MYO16: variants seen among roughly 807,000 people sequenced by gnomAD.
The protein encoded by MYO16 is myosin XVI, also known as unconventional myosin-XVI.
Under a neutral mutation model 205.3 loss-of-function variants are expected in MYO16, and 94 were observed. The ratio of observed to expected loss-of-function variants is 0.46; its 90% CI spans 0.39 to 0.54. The LOEUF (loss-of-function observed/expected upper bound fraction) is 0.54. Among genes scored for constraint, MYO16 ranks in the 20% least tolerant of loss-of-function variants. The probability of loss-of-function intolerance (pLI) is 0.00; values close to 1 mark genes in which losing one functional copy is unlikely to be tolerated. For missense variants in MYO16, 2,315 were observed against 2,387.5 expected, an observed-to-expected ratio of 0.97 and a Z score of 0.63; for synonymous variants, 988 against 954.0, an observed-to-expected ratio of 1.04 and a Z score of -0.66.
intron 4 of MYO16, among the ~76,000 whole-genome samples, chr13:108,769,517 GA>G (rs1885892246): frequency 6.6e-6 from 1 of 152,198 alleles, no homozygotes; most frequent in Admixed American, 6.5e-5. Context: ...GGGAGGCAAT[GA>G]AAAGTGTCTT....
chr13:108,610,677 G>T (rs1016339880), intron 1 of MYO16, among the ~76,000 whole-genome samples: 2 of 152,174 alleles, frequency 1.3e-5, no homozygotes, highest in African/African-American at 4.8e-5. Context: ...TCTTATATTT[G>T]CTTTATTCTT....
chr13:108,985,829 A>G (rs1270132346), intron 20 of MYO16, among the ~76,000 whole-genome samples: 3 of 152,222 alleles, frequency 2.0e-5, no homozygotes, highest in Non-Finnish European at 4.4e-5. Flanking sequence ...ATCACAGTGC[A>G]TAGTTGTGAT....
chr13:108,799,504 CT>C (rs1456488806), intron 6 of MYO16, among the ~76,000 whole-genome samples: 1 of 152,156 alleles, frequency 6.6e-6, no homozygotes, highest in Non-Finnish European at 1.5e-5. Context: ...GAGGTATTTG[CT>C]GCAACCGAAC....
chr13:109,116,981 C>A (rs1875722248), intron 28 of MYO16, among the ~76,000 whole-genome samples: 1 of 152,154 alleles, frequency 6.6e-6, no homozygotes, highest in Non-Finnish European at 1.5e-5. Context: ...TTATAAGTTA[C>A]AATGGGCTTC....
intron 31 of MYO16, among the ~76,000 whole-genome samples, chr13:109,128,515 G>A (rs1050172745): frequency 6.6e-6 from 1 of 151,528 alleles, no homozygotes; most frequent in Non-Finnish European, 1.5e-5. Flanking sequence ...TCAAACGTTG[G>A]GATGACTGAC....
intron 11 of MYO16, among the ~76,000 whole-genome samples, chr13:108,857,433 A>C (rs1044613552): frequency 2.0e-5 from 3 of 152,176 alleles, no homozygotes; most frequent in African/African-American, 7.2e-5. Context: ...GGCTGGCCAG[A>C]GGGTGTTTAT....
At position 108,916,516 on chromosome 13, in the gene MYO16, A is replaced by G. The variant is rs894464054; in HGVS notation, c.1925+6366A>G. Among the ~76,000 whole-genome samples, 7 of 152,244 alleles carry G rather than the reference A, an allele frequency of 4.6e-5. No homozygotes were observed. The South Asian group carries it at 1.0e-3, about 22-fold the overall frequency. On this transcript the variant is annotated intron_variant, in intron 16 of 34. Transcript: ENST00000457511. ...GTCTGCATGTCTGTCTTTATTTTGC[A>G]TTGCTGAAGCAAAACTAACTTACGA...
intron 33 of MYO16, among the ~76,000 whole-genome samples, chr13:109,176,577 T>TAAAAAAAAAAAAC (rs1879190285): frequency 2.2e-5 from 1 of 44,942 alleles, no homozygotes; most frequent in Non-Finnish European, 3.8e-5. Flanking sequence ...ATTGTGCTGG[T>TAAAAAAAAAAAAC]AAAAAAAAAA....
intron 27 of MYO16, among the ~76,000 whole-genome samples, chr13:109,089,460 C>G (rs1179746987): frequency 1.3e-5 from 2 of 152,110 alleles, no homozygotes; most frequent in African/African-American, 4.8e-5. Flanking sequence ...GGTGATCCAC[C>G]CGCCTCAGCC....
chr13:108,921,025 G>A (rs907698126), intron 16 of MYO16, among the ~76,000 whole-genome samples: 60 of 152,192 alleles, frequency 3.9e-4, no homozygotes, highest in Admixed American at 3.9e-3. Flanking sequence ...ACATGTGTGT[G>A]TGAACCTGTC....
chr13:109,169,714 G>A (rs2139890228), intron 33 of MYO16, among the ~76,000 whole-genome samples: 1 of 152,220 alleles, frequency 6.6e-6, no homozygotes, highest in African/African-American at 2.4e-5. Flanking sequence ...ATTTGTAATT[G>A]AATGCCTTCC....
rs115611698 is a variant in MYO16 at position 109,192,660 on chromosome 13, C to G, written c.5415+13027C>G. On this transcript the variant is annotated intron_variant, in intron 34 of 34. Coordinates refer to ENST00000457511, the MANE Select transcript of MYO16 (RefSeq NM_001198950.3). The stretch of plus-strand genomic sequence containing the variant: ...ACAAGCATAGCCCATGCAACCCAAC[C>G]TTGACTATCTTCTATGACCTTTCTC... 4.9e-3 allele frequency among the ~76,000 whole-genome samples: 745 copies of G among 152,280 alleles called. 7 individuals are homozygous for G. The highest frequency in any genetic ancestry group is 0.016 in the African/African-American group (677 of 41,564).
At chr13:109,079,395 T>C (rs1438435264) in intron 27 of MYO16, among the ~76,000 whole-genome samples, 2 of 152,130 alleles carry the variant, frequency 1.3e-5, no homozygotes, top group African/African-American at 4.8e-5. Flanking sequence ...GGGTTTTTTT[T>C]TTTTAACTAT....
At chr13:108,947,669 A>G (rs541947620) in intron 16 of MYO16, among the ~76,000 whole-genome samples, 1 of 152,190 alleles carries the variant, frequency 6.6e-6, no homozygotes, top group Admixed American at 6.5e-5. Context: ...AGACACAGCC[A>G]CCCTGTCTGT....
the MYO16 span, among the ~76,000 whole-genome samples, chr13:108,546,249 GC>G: frequency 1.3e-5 from 2 of 152,136 alleles, no homozygotes; most frequent in African/African-American, 4.8e-5. Context: ...TCTGCCAGAG[GC>G]CCTTAGGGTT....
At chr13:108,937,718 C>T (rs1290550604) in intron 16 of MYO16, among the ~76,000 whole-genome samples, 1 of 152,146 alleles carries the variant, frequency 6.6e-6, no homozygotes, top group African/African-American at 2.4e-5. Flanking sequence ...ACCTCTGATA[C>T]TCTGATTGAT....
rs1286791715 is a variant in MYO16, at chr13:109,179,922, C to T, written c.5415+289C>T. On this transcript the variant is annotated intron_variant, in intron 34 of 34. Coordinates refer to ENST00000457511, the MANE Select transcript of MYO16 (RefSeq NM_001198950.3). ...TATTGTGGTACTTTAAAATTATTCT[C>T]GGGTGAAGATGATATTAAATCTGCT... 2.0e-5 allele frequency among the ~76,000 whole-genome samples: 3 copies of T among 152,084 alleles called. No individual in the cohort carries two copies. In the East Asian group the frequency reaches 5.8e-4, roughly 29 times the overall value.
At chr13:109,044,127 CTGACTA>C (rs758602655) in intron 23 of MYO16, among the ~76,000 whole-genome samples, 5 of 148,076 alleles carry the variant, frequency 3.4e-5, no homozygotes, top group Admixed American at 1.3e-4. Flanking sequence ...TTAGGAATGA[CTGACTA>C]TGATGAAAAA....
At chr13:108,831,972 G>A (rs958921354) in intron 9 of MYO16, among the ~76,000 whole-genome samples, 1 of 152,114 alleles carries the variant, frequency 6.6e-6, no homozygotes, top group Non-Finnish European at 1.5e-5. Context: ...CTTAGTTTCT[G>A]AGGTGGGCAG....
Sources: gnomAD v4.1 joint callset for allele counts (sites outside exome capture counted in the v4.1 genomes callset) on GRCh38, gnomAD v4.1.1 for gene constraint, MANE v1.5 for transcripts, NCBI Gene and HGNC (gene_info 2026-07-23, HGNC 2026-07-21) for gene names.